The following PCDH7 variants were observed in gnomAD, a reference collection of about 807,000 sequenced individuals.
PCDH7 encodes the protein protocadherin 7.
PCDH7 carries 17 observed loss-of-function variants against 58.9 expected under a neutral mutation model. The observed-to-expected ratio is 0.29, with a 90% CI of 0.20 to 0.43. The LOEUF is 0.43. PCDH7 is among the 20% of genes least tolerant of loss of function. The pLI, the probability that PCDH7 is intolerant of heterozygous loss-of-function variation, is 1.00. For synonymous variants in PCDH7, 664 were observed against 616.4 expected, an observed-to-expected ratio of 1.08 and a Z score of -1.14; for missense variants, 1,274 against 1,441.0, an observed-to-expected ratio of 0.88 and a Z score of 1.88.
intron 1 of PCDH7, among the ~76,000 whole-genome samples, chr4:30,914,172 AC>A (rs1742117257): frequency 1.3e-5 from 2 of 152,200 alleles, no homozygotes; most frequent in Non-Finnish European, 2.9e-5. Flanking sequence ...TAAGGAGAGA[AC>A]AATGTTCATT....
At chr4:30,961,488 G>T (rs902414488) in intron 3 of PCDH7, among the ~76,000 whole-genome samples, 2 of 151,770 alleles carry the variant, frequency 1.3e-5, no homozygotes, top group African/African-American at 4.8e-5. Flanking sequence ...GGAGGTGGAG[G>T]TTGCAGTGAG....
At chr4:31,084,077 CTT>C (rs1416356845) in intron 3 of PCDH7, among the ~76,000 whole-genome samples, 2 of 152,078 alleles carry the variant, frequency 1.3e-5, no homozygotes, top group Non-Finnish European at 2.9e-5. Context: ...AGTAATTAAA[CTT>C]ATAAATTTGA....
At chr4:30,756,679 A>G (rs935605473) in intron 1 of PCDH7, among the ~76,000 whole-genome samples, 7 of 152,090 alleles carry the variant, frequency 4.6e-5, no homozygotes, top group Non-Finnish European at 7.4e-5. Context: ...TTCTCCTAAA[A>G]CATTGTTTCA....
At chr4:30,876,306 GTA>G (rs1352373387) in intron 1 of PCDH7, among the ~76,000 whole-genome samples, 1 of 151,866 alleles carries the variant, frequency 6.6e-6, no homozygotes, top group Non-Finnish European at 1.5e-5. Flanking sequence ...TATTAAATGT[GTA>G]TTTATTTGGG....
intron 1 of PCDH7, chr4:30,869,002 T>C (rs921060566): frequency 6.6e-6 from 1 of 152,116 alleles, no homozygotes; most frequent in African/African-American, 2.4e-5. Flanking sequence ...AAAAATGTTA[T>C]CAAGCATTCT....
intron 3 of PCDH7, among the ~76,000 whole-genome samples, chr4:31,049,444 A>G (rs1756571127): frequency 6.6e-6 from 1 of 152,148 alleles, no homozygotes; most frequent in Non-Finnish European, 1.5e-5. Context: ...AGTGACACAG[A>G]CAATGTGGGG....
chr4:31,087,838 G>T (rs1381782786), intron 3 of PCDH7, among the ~76,000 whole-genome samples: 1 of 151,974 alleles, frequency 6.6e-6, no homozygotes, highest in African/African-American at 2.4e-5. Context: ...TATTAATAGT[G>T]GGATATAATC....
intron 3 of PCDH7, among the ~76,000 whole-genome samples, chr4:30,993,491 T>A (rs1751625874): frequency 6.6e-6 from 1 of 152,128 alleles, no homozygotes; most frequent in Non-Finnish European, 1.5e-5. Flanking sequence ...AATAACATGG[T>A]TCATAAAGTG....
chr4:31,063,982 G>C (rs28640086), intron 3 of PCDH7, among the ~76,000 whole-genome samples: 4,784 of 151,936 alleles, frequency 0.031, 232 homozygotes, highest in African/African-American at 0.11. Context: ...TTTTAAGCTT[G>C]ATAGTGGACT....
At chr4:30,906,357 G>A (rs1342297845) in intron 1 of PCDH7, among the ~76,000 whole-genome samples, 2 of 152,082 alleles carry the variant, frequency 1.3e-5, no homozygotes, top group Non-Finnish European at 2.9e-5. Context: ...GAAAGATTAG[G>A]TATTGTCCCA....
chr4:30,923,283 T>G (rs777348727), intron 2 of PCDH7, among the ~76,000 whole-genome samples: 2 of 152,164 alleles, frequency 1.3e-5, no homozygotes, highest in South Asian at 4.1e-4. Context: ...TCCAATGTCA[T>G]GCTAACAAAC....
At chr4:30,956,542 G>A (rs1303538276) in intron 3 of PCDH7, among the ~76,000 whole-genome samples, 1 of 152,030 alleles carries the variant, frequency 6.6e-6, no homozygotes, top group Non-Finnish European at 1.5e-5. Context: ...CTTCTTTATT[G>A]AAGTATAACT....
intron 1 of PCDH7, among the ~76,000 whole-genome samples, chr4:30,869,408 A>G (rs1735265147): frequency 6.6e-6 from 1 of 151,996 alleles, no homozygotes; most frequent in Admixed American, 6.6e-5. Flanking sequence ...TACATTAGGT[A>G]TTTCTCCTAA....
At chr4:30,854,264 G>A (rs947202241) in intron 1 of PCDH7, among the ~76,000 whole-genome samples, 1 of 149,010 alleles carries the variant, frequency 6.7e-6, no homozygotes, top group African/African-American at 2.5e-5. Context: ...CTTGTGCATT[G>A]TGGGACGTTT....
At chr4:31,069,444 T>C (rs1758359499) in intron 3 of PCDH7, among the ~76,000 whole-genome samples, 1 of 152,054 alleles carries the variant, frequency 6.6e-6, no homozygotes, top group Non-Finnish European at 1.5e-5. Context: ...ATTTGAAGGA[T>C]TTTTTTAAAC....
At chr4:30,877,172 A>G (rs1367808794) in intron 1 of PCDH7, among the ~76,000 whole-genome samples, 1 of 152,144 alleles carries the variant, frequency 6.6e-6, no homozygotes, top group African/African-American at 2.4e-5. Context: ...ACTAGGGTTG[A>G]TGGTTTGGGG....
chr4:30,842,887 T>C (rs566971347), intron 1 of PCDH7, among the ~76,000 whole-genome samples: 1 of 152,206 alleles, frequency 6.6e-6, no homozygotes, highest in African/African-American at 2.4e-5. Context: ...TTTATTTTGC[T>C]CACAGTAGTG....
chr4:30,891,586 C>T (rs920145169), intron 1 of PCDH7, among the ~76,000 whole-genome samples: 15 of 152,074 alleles, frequency 9.9e-5, no homozygotes, highest in African/African-American at 3.6e-4. Context: ...GGTGAATGAA[C>T]TTATCAGTGT....
intron 3 of PCDH7, among the ~76,000 whole-genome samples, chr4:30,998,265 T>A (rs1752068973): frequency 6.6e-6 from 1 of 152,114 alleles, no homozygotes; most frequent in Admixed American, 6.6e-5. Flanking sequence ...AATGTTAAGG[T>A]GATCATCTTG....
Sources: allele counts gnomAD v4.1 joint callset (sites outside exome capture counted in the v4.1 genomes callset), GRCh38; gene constraint gnomAD v4.1.1; transcripts MANE v1.5; gene names NCBI Gene and HGNC (gene_info 2026-07-23, HGNC 2026-07-21).